The following FAM204A variants were observed in gnomAD, a reference collection of about 807,000 sequenced individuals.
FAM204A encodes the protein family with sequence similarity 204 member A.
A neutral mutation model predicts 35.4 loss-of-function variants in FAM204A; 16 were observed. The observed-to-expected ratio is 0.45, with a 90% CI of 0.31 to 0.69. The LOEUF (loss-of-function observed/expected upper bound fraction) is 0.69. FAM204A is among the 30% of genes least tolerant of loss of function. The pLI, the probability that FAM204A is intolerant of heterozygous loss-of-function variation, is 0.07. For missense variants in FAM204A, 240 were observed against 265.7 expected, an observed-to-expected ratio of 0.90 and a Z score of 0.67; for synonymous variants, 76 against 86.9, an observed-to-expected ratio of 0.88 and a Z score of 0.70.
At position 118,305,556 on chromosome 10, in the gene FAM204A, C is replaced by T. The variant is rs1025789500; in HGVS notation, c.*5301G>A. ...CTGCCTAGCTAGGAAATTCAGCAAC[C>T]TGTACAGTAAGTATATACTCAGGTA... is the stretch of plus-strand genomic sequence containing the variant. On this transcript the variant is annotated 3_prime_UTR_variant, in exon 9 of 9. Transcript: ENST00000369183. 1.3e-5 allele frequency: 2 copies of T among 152,142 alleles called. No individual in the cohort carries two copies. The highest frequency in any genetic ancestry group is 6.5e-5 in the Admixed American group (1 of 15,270). The allele number at this position is 152,142 out of a possible 1,614,324, so 9.4% of individuals were successfully genotyped here.
chr10:118,322,271 A>G (rs1434940131), intron 7 of FAM204A: 1 of 450,990 alleles, frequency 2.2e-6, no homozygotes, highest in Non-Finnish European at 4.5e-6. Flanking sequence ...GAAAGAAACA[A>G]TAACATCACA....
intron 2 of FAM204A, among the ~76,000 whole-genome samples, 168 bp downstream of exon 2, chr10:118,341,559 A>T (rs945778398): frequency 6.6e-6 from 1 of 152,202 alleles, no homozygotes; most frequent in African/African-American, 2.4e-5. Flanking sequence ...AAAACTACTT[A>T]TTTAGCAAGA....
chr10:118,332,625 G>A (rs936632208), intron 6 of FAM204A, among the ~76,000 whole-genome samples: 6 of 151,726 alleles, frequency 4.0e-5, no homozygotes, highest in African/African-American at 1.2e-4. Flanking sequence ...CCATGTAAGA[G>A]TCTGTTTGGA....
At chr10:118,324,842 T>C (rs1340234295) in intron 7 of FAM204A, among the ~76,000 whole-genome samples, 3 of 152,310 alleles carry the variant, frequency 2.0e-5, no homozygotes, top group East Asian at 3.9e-4. Context: ...TTTTATGTTA[T>C]GTACATTTTA....
Position 118,302,345 on chromosome 10 carries a change from T to C in FAM204A, c.*8512A>G, listed in dbSNP as rs529851932. ...GTGCCATCCTGGCAGTTAAGGCCCT[T>C]GAGCAGCCGTCACTGCCACAGGCTA... On this transcript the variant is annotated 3_prime_UTR_variant, in exon 9 of 9. Coordinates refer to ENST00000369183, the MANE Select transcript of FAM204A (RefSeq NM_022063.3). 1.2e-4 allele frequency: 18 copies of C among 152,350 alleles called. 1 individual carries two copies. In the South Asian group the frequency reaches 3.7e-3, roughly 32 times the overall value. The allele number at this position is 152,350 out of a possible 1,614,324, so 9.4% of individuals were successfully genotyped here.
intron 7 of FAM204A, chr10:118,322,556 T>C (rs1174434253): frequency 4.4e-6 from 1 of 226,680 alleles, no homozygotes; most frequent in Non-Finnish European, 9.2e-6. Context: ...CATTCCAGAT[T>C]AAAAAAACTA....
chr10:118,317,016 C>T (rs184172854), intron 7 of FAM204A, among the ~76,000 whole-genome samples: 19 of 152,160 alleles, frequency 1.2e-4, no homozygotes, highest in Admixed American at 2.0e-4. Flanking sequence ...ATAAGAAAGA[C>T]AGTTTTTTAA....
intron 7 of FAM204A, among the ~76,000 whole-genome samples, chr10:118,321,788 T>C (rs1846122440): frequency 1.4e-5 from 2 of 147,644 alleles, no homozygotes; most frequent in African/African-American, 5.0e-5. Context: ...CTGAAACCTC[T>C]AAGGCGCTAG....
rs1291917261 is a variant in FAM204A, at chr10:118,335,399, T to C, written c.350A>G (p.His117Arg). 2 of 1,592,932 alleles carry C rather than the reference T, an allele frequency of 1.3e-6. No individual in the cohort carries two copies. Among genetic ancestry groups the C allele is most frequent in the Non-Finnish European group, 8.6e-7 (1 of 1,169,194 alleles). ...AACTATTTTAAATTCTACCTACCTATGTAATTCTTTTTCATTCTTCAATTT... is the reference window on the plus strand; with the variant it reads ...AACTATTTTAAATTCTACCTACCTACGTAATTCTTTTTCATTCTTCAATTT... ...KDKLKNEKEL[H>R]SEPSSNETQW... Residue 117 changes from histidine to arginine, a missense_variant, in exon 5 of 9, where the codon CAT becomes CGT. This residue lies in a region of FAM204A where 232 missense variants were observed against 242.8 expected (regional missense o/e 0.96). Transcript: ENST00000369183.
intron 2 of FAM204A, among the ~76,000 whole-genome samples, chr10:118,336,905 G>A (rs1258464962): frequency 1.3e-5 from 2 of 152,166 alleles, no homozygotes; most frequent in African/African-American, 4.8e-5. Context: ...TGTCTAAGGA[G>A]CAGGAAAATA....
At chr10:118,311,747 CTGAT>C (rs2133263989) in intron 7 of FAM204A, among the ~76,000 whole-genome samples, 1 of 152,328 alleles carries the variant, frequency 6.6e-6, no homozygotes, top group South Asian at 2.1e-4. Context: ...ATCAGAAGCT[CTGAT>C]TGGCAGTCAC....
chr10:118,341,039 T>C (rs1466132821), intron 2 of FAM204A, among the ~76,000 whole-genome samples: 1 of 152,192 alleles, frequency 6.6e-6, no homozygotes, highest in Non-Finnish European at 1.5e-5. Context: ...TTCTGTACTT[T>C]TTGAGTACAG....
At position 118,333,860 on chromosome 10, in the gene FAM204A, A is replaced by G. The variant is rs535048456; in HGVS notation, c.453+1254T>C. Among the ~76,000 whole-genome samples, 7 of 152,310 alleles carry G rather than the reference A, an allele frequency of 4.6e-5. No homozygotes were observed. The South Asian group carries it at 1.4e-3, about 32-fold the overall frequency. On this transcript the variant is annotated intron_variant, in intron 6 of 8. Transcript: ENST00000369183. ...ATAACACAGTACCATGCAATGATGG[A>G]TTTAAAATCAGAGATACTTTAGAAG...
In FAM204A at chr10:118,307,110, T is replaced by C. The variant is rs950287710; in HGVS notation, c.*3747A>G. 2.0e-5 allele frequency: 3 copies of C among 152,162 alleles called. No homozygotes were observed. The highest frequency in any genetic ancestry group is 4.4e-5 in the Non-Finnish European group (3 of 68,030). 9.4% of individuals were successfully genotyped at this position (152,162 alleles called of 1,614,324 possible). ...CATAAAGTCACCCACTAATTTAAATTTGAAAACCTAGATACTCTGATTACC... is the reference window on the plus strand; with the variant it reads ...CATAAAGTCACCCACTAATTTAAATCTGAAAACCTAGATACTCTGATTACC... On this transcript the variant is annotated 3_prime_UTR_variant, in exon 9 of 9. Transcript: ENST00000369183.
At chr10:118,332,164 T>A (rs1162117568) in intron 6 of FAM204A, among the ~76,000 whole-genome samples, 2 of 1,620 alleles carry the variant, frequency 1.2e-3, no homozygotes, top group African/African-American at 1.4e-3. Context: ...AGAGCAAGAC[T>A]CTGTTTCAGA....
chr10:118,331,558 T>C (rs916094139), intron 6 of FAM204A, among the ~76,000 whole-genome samples: 5 of 152,350 alleles, frequency 3.3e-5, no homozygotes, highest in Non-Finnish European at 7.3e-5. Context: ...CTAACATCTA[T>C]ATGTGCATAT....
chr10:118,331,360 T>C (rs747789844), intron 6 of FAM204A, among the ~76,000 whole-genome samples: 1 of 152,170 alleles, frequency 6.6e-6, no homozygotes, highest in Non-Finnish European at 1.5e-5. Flanking sequence ...CAAAACATAA[T>C]TTATGATATA....
chr10:118,325,648 T>C (rs949107128), intron 7 of FAM204A, among the ~76,000 whole-genome samples: 1 of 152,084 alleles, frequency 6.6e-6, no homozygotes, highest in African/African-American at 2.4e-5. Context: ...CTTCTGTACT[T>C]GGCAAAAGAA....
At chr10:118,326,517 C>T (rs1846199948) in intron 6 of FAM204A, among the ~76,000 whole-genome samples, 1 of 152,158 alleles carries the variant, frequency 6.6e-6, no homozygotes, top group Non-Finnish European at 1.5e-5. Flanking sequence ...TTAATAACAA[C>T]AATAATGTTA....
Sources: gnomAD v4.1 joint callset for allele counts (sites outside exome capture counted in the v4.1 genomes callset) on GRCh38, gnomAD v4.1.1 for gene constraint, gnomAD v4.1.1 regional missense constraint, MANE v1.5 for transcripts, NCBI Gene and HGNC (gene_info 2026-07-23, HGNC 2026-07-21) for gene names.